The following TIGD5 variants were observed in gnomAD, a reference collection of about 807,000 sequenced individuals.
TIGD5 encodes tigger transposable element derived 5.
In TIGD5, 24 loss-of-function variants were observed where a neutral mutation model predicts 28.8. The observed-to-expected ratio is 0.83, with a 90% CI of 0.60 to 1.17. TIGD5 has a LOEUF of 1.17. Ranked by LOEUF, TIGD5 falls within the 50% of genes most tolerant of loss-of-function variation. The pLI, the probability that TIGD5 is intolerant of heterozygous loss-of-function variation, is 0.00. For synonymous variants in TIGD5, 538 were observed against 430.5 expected, an observed-to-expected ratio of 1.25 and a Z score of -3.09; for missense variants, 922 against 911.4, an observed-to-expected ratio of 1.01 and a Z score of -0.15.
rs758766283 is a variant in TIGD5, at chr8:143,598,117, G to C, written c.214G>C (p.Glu72Gln). 1.3e-5 allele frequency: 21 copies of C among 1,575,024 alleles called. No homozygotes were observed. Among genetic ancestry groups the C allele is most frequent in the Non-Finnish European group, 1.8e-5 (21 of 1,163,662 alleles). The change falls in exon 1 of 1, where the codon GAG becomes CAG. Residue 72 changes from glutamate (E) to glutamine (Q), a missense_variant. By Grantham distance (29) the Glu-to-Gln change is conservative. This residue lies in a region of TIGD5 where 821 missense variants were observed against 815.2 expected (regional missense o/e 1.01). Coordinates refer to ENST00000504548, the MANE Select transcript of TIGD5 (RefSeq NM_032862.5). This position sits in a 1 kb window ranked among gnomAD's most constrained non-coding sequence, Gnocchi z 6.6. ...GGCCATCGAGCGCGTCAAGGGCGGCGAGCGGCAGGCCAGTGTGTGCCGCGA... is the reference window on the plus strand; with the variant it reads ...GGCCATCGAGCGCGTCAAGGGCGGCCAGCGGCAGGCCAGTGTGTGCCGCGA... ...LQAIERVKGG[E>Q]RQASVCRDFG... is the part of the protein sequence containing the mutation.
Position 143,599,265 on chromosome 8 carries a change from C to T in TIGD5, c.1362C>T (p.Leu454=), listed in dbSNP as rs772235741. Residue 454 remains leucine, a synonymous_variant, in exon 1 of 1, where the codon CTC becomes CTT. Transcript: ENST00000504548. Reference sequence around the variant, plus strand: ...TGGACTTCATGCGCAGCTTCATGCTCAAGGACATGCTCTACCTGGCTGGCC... The same window carrying T: ...TGGACTTCATGCGCAGCTTCATGCTTAAGGACATGCTCTACCTGGCTGGCC... ...SPLDFMRSFM[L]KDMLYLAGLS... 1 of 1,611,462 alleles carries T rather than the reference C, an allele frequency of 6.2e-7. No homozygotes were observed. Among genetic ancestry groups the T allele is most frequent in the South Asian group, 1.1e-5 (1 of 90,826 alleles).
In TIGD5 at chr8:143,598,493, C is replaced by T. The variant is rs1466580254; in HGVS notation, c.590C>T (p.Pro197Leu). 7.3e-7 allele frequency: 1 copy of T among 1,376,014 alleles called. No individual in the cohort carries two copies. The highest frequency in any genetic ancestry group is 2.7e-4 in the Middle Eastern group (1 of 3,746). 85.2% of individuals were successfully genotyped at this position (1,376,014 alleles called of 1,614,324 possible). A position where few individuals can be genotyped will look rare whatever the true frequency, so the allele number is the denominator to read the frequency against. Residue 197 changes from proline to leucine, a missense_variant, in exon 1 of 1, where the codon CCC (proline) becomes CTC (leucine). By Grantham distance (98) the Pro-to-Leu change is moderately conservative. This residue lies in a region of TIGD5 where 821 missense variants were observed against 815.2 expected (regional missense o/e 1.01). Transcript: ENST00000504548. This position sits in a 1 kb window ranked among gnomAD's most constrained non-coding sequence, Gnocchi z 6.6. Reference protein sequence around the residue: ...YGEAGPPAPSPAPGPPVKEEP... With the variant: ...YGEAGPPAPSLAPGPPVKEEP... ...GAGGCCGGGCCCCCAGCCCCGAGCCCCGCGCCCGGCCCGCCCGTCAAGGAG... is the reference window on the plus strand; with the variant it reads ...GAGGCCGGGCCCCCAGCCCCGAGCCTCGCGCCCGGCCCGCCCGTCAAGGAG...
chr8:143,599,247 C>T lies in TIGD5; in HGVS notation c.1344C>T (p.Phe448=). The T allele has an allele frequency of 6.2e-7, 1 of 1,611,744 alleles. No individual in the cohort carries two copies. The highest frequency in any genetic ancestry group is 8.5e-7 in the Non-Finnish European group (1 of 1,179,668). ...GCGCCAGCGGCTCCCCGCTGGACTT[C>T]ATGCGCAGCTTCATGCTCAAGGACA... ...VSCASGSPLD[F]MRSFMLKDML... Residue 448 remains phenylalanine, a synonymous_variant, in exon 1 of 1, where the codon TTC becomes TTT. Coordinates refer to ENST00000504548, the MANE Select transcript of TIGD5 (RefSeq NM_032862.5).
chr8:143,601,235 A>G lies in TIGD5; in HGVS notation c.*1403A>G, dbSNP rs1368212912. ...AAGAAATATATACATATATATGTATATATCTATATCTCAAAATCTGAGAGC... is the reference window on the plus strand; with the variant it reads ...AAGAAATATATACATATATATGTATGTATCTATATCTCAAAATCTGAGAGC... On this transcript the variant is annotated 3_prime_UTR_variant, in exon 1 of 1. Coordinates refer to ENST00000504548, the MANE Select transcript of TIGD5 (RefSeq NM_032862.5). 1.3e-5 allele frequency: 2 copies of G among 152,170 alleles called. No homozygotes were observed. The highest frequency in any genetic ancestry group is 4.8e-5 in the African/African-American group (2 of 41,428). 9.4% of individuals were successfully genotyped at this position (152,170 alleles called of 1,614,324 possible).
Position 143,598,804 on chromosome 8 carries a change from C to T in TIGD5, c.901C>T (p.Pro301Ser). Residue 301 changes from proline (P) to serine (S), a missense_variant, in exon 1 of 1, where the codon CCC (proline) becomes TCC (serine). Physicochemically the swap from Pro to Ser is moderately conservative, Grantham distance 74. Around this residue, in one of 3 missense-constraint regions of TIGD5, gnomAD observed 821 missense variants for 815.2 expected, o/e 1.01. Transcript: ENST00000504548. This position sits in a 1 kb window ranked among gnomAD's most constrained non-coding sequence, Gnocchi z 6.6. ...GGTCATCGGGCGGCTGCCGGACCCG[C>T]CCAGCCTGCGCCACCACAACCAGGA... is the stretch of plus-strand genomic sequence containing the variant. ...PLVIGRLPDP[P>S]SLRHHNQDKF... 6.2e-7 allele frequency: 1 copy of T among 1,600,068 alleles called. No homozygotes were observed. Among genetic ancestry groups the T allele is most frequent in the South Asian group, 1.1e-5 (1 of 90,826 alleles).
Position 143,598,857 on chromosome 8 carries a change from C to A in TIGD5, c.954C>A (p.Ser318Arg). ...AGTTCCCGGCCTCCTACCGCTACAG[C>A]CCCGACGCCTGGCTCAGCCGCCCGC... The part of the protein sequence containing the change: ...QDKFPASYRY[S>R]PDAWLSRPLL... Residue 318 changes from serine to arginine, a missense_variant, in exon 1 of 1, where the codon AGC becomes AGA. By Grantham distance (110) the Ser-to-Arg change is moderately radical. This residue lies in a region of TIGD5 where 821 missense variants were observed against 815.2 expected (regional missense o/e 1.01). Coordinates refer to ENST00000504548, the MANE Select transcript of TIGD5 (RefSeq NM_032862.5). The surrounding 1 kb of genome is among the most constrained non-coding windows in gnomAD (Gnocchi z 6.6). 1 of 1,600,506 alleles carries A rather than the reference C, an allele frequency of 6.2e-7. No individual in the cohort carries two copies. The highest frequency in any genetic ancestry group is 8.5e-7 in the Non-Finnish European group (1 of 1,179,636).
In TIGD5 at chr8:143,598,806, C is replaced by A; in HGVS notation, c.903C>A (p.Pro301=). The A allele has an allele frequency of 6.2e-7, 1 of 1,600,132 alleles. No homozygotes were observed. ...PLVIGRLPDP[P]SLRHHNQDKF... ...TCATCGGGCGGCTGCCGGACCCGCC[C>A]AGCCTGCGCCACCACAACCAGGACA... Residue 301 remains proline (P), a synonymous_variant, in exon 1 of 1, where the codon CCC becomes CCA. Coordinates refer to ENST00000504548, the MANE Select transcript of TIGD5 (RefSeq NM_032862.5). This position sits in a 1 kb window ranked among gnomAD's most constrained non-coding sequence, Gnocchi z 6.6.
rs745741962 is a variant in TIGD5, at chr8:143,599,274, G to T, written c.1371G>T (p.Met457Ile). 1.2e-5 allele frequency: 19 copies of T among 1,610,802 alleles called. No individual in the cohort carries two copies. The highest frequency in any genetic ancestry group is 1.6e-5 in the Non-Finnish European group (19 of 1,179,224). ...DFMRSFMLKDMLYLAGLSWDL... is the reference protein window; with the variant it reads ...DFMRSFMLKDILYLAGLSWDL... ...TGCGCAGCTTCATGCTCAAGGACAT[G>T]CTCTACCTGGCTGGCCTCTCCTGGG... The change falls in exon 1 of 1, where the codon ATG becomes ATT. Residue 457 changes from methionine to isoleucine, a missense_variant. Coordinates refer to ENST00000504548, the MANE Select transcript of TIGD5 (RefSeq NM_032862.5).
rs754145755 is a variant in TIGD5, at chr8:143,598,696, G to A, written c.793G>A (p.Gly265Ser). The A allele has an allele frequency of 2.0e-6, 3 of 1,498,710 alleles. No individual in the cohort carries two copies. Among genetic ancestry groups the A allele is most frequent in the Non-Finnish European group, 1.8e-6 (2 of 1,134,038 alleles). The allele number at this position is 1,498,710 out of a possible 1,614,324, so 92.8% of individuals were successfully genotyped here. ...GGGCGCAGGGGACCCCGGGGCGGGG[G>A]GCTGTGGCCGGCGCTGGCGGGGCGA... ...PPGAGDPGAG[G>S]CGRRWRGDRV... is the part of the protein sequence containing the mutation. Residue 265 changes from glycine to serine, a missense_variant, in exon 1 of 1, where the codon GGC (glycine) becomes AGC (serine). By Grantham distance (56) the Gly-to-Ser change is moderately conservative. Coordinates refer to ENST00000504548, the MANE Select transcript of TIGD5 (RefSeq NM_032862.5). The surrounding 1 kb of genome is among the most constrained non-coding windows in gnomAD (Gnocchi z 6.6).
rs1262560186 is a variant in TIGD5 at position 143,598,876 on chromosome 8, C to T, written c.973C>T (p.Arg325Cys). The T allele has an allele frequency of 6.3e-7, 1 of 1,599,686 alleles. No homozygotes were observed. Among genetic ancestry groups the T allele is most frequent in the Non-Finnish European group, 8.5e-7 (1 of 1,179,562 alleles). ...YRYSPDAWLS[R>C]PLLRGWFFEE... ...CTACAGCCCCGACGCCTGGCTCAGC[C>T]GCCCGCTGCTGCGGGGCTGGTTCTT... is the stretch of plus-strand genomic sequence containing the variant. Residue 325 changes from arginine to cysteine, a missense_variant, in exon 1 of 1, where the codon CGC becomes TGC. By Grantham distance (180) the Arg-to-Cys change is radical (BLOSUM62 -3). Coordinates refer to ENST00000504548, the MANE Select transcript of TIGD5 (RefSeq NM_032862.5). This position sits in a 1 kb window ranked among gnomAD's most constrained non-coding sequence, Gnocchi z 6.6.
In TIGD5 at chr8:143,598,122, G is replaced by A; in HGVS notation, c.219G>A (p.Arg73=). 1.3e-6 allele frequency: 2 copies of A among 1,579,162 alleles called. No homozygotes were observed. Among genetic ancestry groups the A allele is most frequent in the Non-Finnish European group, 1.7e-6 (2 of 1,165,584 alleles). ...QAIERVKGGE[R]QASVCRDFGV... ...TCGAGCGCGTCAAGGGCGGCGAGCG[G>A]CAGGCCAGTGTGTGCCGCGACTTCG... Residue 73 remains arginine, a synonymous_variant, in exon 1 of 1, where the codon CGG becomes CGA. Transcript: ENST00000504548. The surrounding 1 kb of genome is among the most constrained non-coding windows in gnomAD (Gnocchi z 6.6).
Position 143,598,559 on chromosome 8 carries a change from G to C in TIGD5, c.656G>C (p.Arg219Pro), listed in dbSNP as rs1587274750. ...TCCGGCGCCGGCCCCCTGCCCGACC[G>C]CGCCCCGGCCCCGCCGCCCCCGGCC... The part of the protein sequence containing the change: ...LPSGAGPLPD[R>P]APAPPPPAEG... The change falls in exon 1 of 1, where the codon CGC becomes CCC. Residue 219 changes from arginine to proline, a missense_variant. This residue lies in a region of TIGD5 where 821 missense variants were observed against 815.2 expected (regional missense o/e 1.01). Transcript: ENST00000504548. This position sits in a 1 kb window ranked among gnomAD's most constrained non-coding sequence, Gnocchi z 6.6. 5 of 1,311,186 alleles carry C rather than the reference G, an allele frequency of 3.8e-6. No individual in the cohort carries two copies. Among genetic ancestry groups the C allele is most frequent in the Non-Finnish European group, 4.8e-6 (5 of 1,037,488 alleles). 81.2% of individuals were successfully genotyped at this position (1,311,186 alleles called of 1,614,324 possible). A position where few individuals can be genotyped will look rare whatever the true frequency, so the allele number is the denominator to read the frequency against.
chr8:143,599,645 G>C lies in TIGD5; in HGVS notation c.1742G>C (p.Gly581Ala). Residue 581 changes from glycine to alanine, a missense_variant, in exon 1 of 1, where the codon GGA (glycine) becomes GCA (alanine). Coordinates refer to ENST00000504548, the MANE Select transcript of TIGD5 (RefSeq NM_032862.5). Reference sequence around the variant, plus strand: ...GACGAGGAGGAGGCCACCGACTATGGAGGGACCTCAGTGCCGACTGCCGGG... The same window carrying C: ...GACGAGGAGGAGGCCACCGACTATGCAGGGACCTCAGTGCCGACTGCCGGG... ...GEDEEEATDY[G>A]GTSVPTAGEA... 6.6e-7 allele frequency: 1 copy of C among 1,523,028 alleles called. No homozygotes were observed. Among genetic ancestry groups the C allele is most frequent in the Non-Finnish European group, 8.8e-7 (1 of 1,138,280 alleles). The allele number at this position is 1,523,028 out of a possible 1,614,324, so 94.3% of individuals were successfully genotyped here. A position where few individuals can be genotyped will look rare whatever the true frequency, so the allele number is the denominator to read the frequency against.
In TIGD5 at chr8:143,599,372, G is replaced by A. The variant is rs1829212579; in HGVS notation, c.1469G>A (p.Gly490Asp). The A allele has an allele frequency of 2.5e-6, 4 of 1,572,842 alleles. No individual in the cohort carries two copies. Residue 490 changes from glycine to aspartate, a missense_variant, in exon 1 of 1, where the codon GGC becomes GAC. Gly to Asp is a moderately conservative substitution (Grantham distance 94). Around this residue, in one of 3 missense-constraint regions of TIGD5, gnomAD observed 821 missense variants for 815.2 expected, o/e 1.01. Coordinates refer to ENST00000504548, the MANE Select transcript of TIGD5 (RefSeq NM_032862.5). Reference sequence around the variant, plus strand: ...CGGGCTGCCTTCGAGCCCCGGCCCGGCGAGGACAGTGCTGGGCAGCCGGCC... The same window carrying A: ...CGGGCTGCCTTCGAGCCCCGGCCCGACGAGGACAGTGCTGGGCAGCCGGCC... The part of the protein sequence containing the change: ...GLRAAFEPRP[G>D]EDSAGQPAQA...
Position 143,599,581 on chromosome 8 carries a change from G to A in TIGD5, c.1678G>A (p.Ala560Thr). Residue 560 changes from alanine (A) to threonine (T), a missense_variant, in exon 1 of 1, where the codon GCC becomes ACC. Ala to Thr is a moderately conservative substitution (Grantham distance 58, BLOSUM62 0). Around this residue, in one of 3 missense-constraint regions of TIGD5, gnomAD observed 821 missense variants for 815.2 expected, o/e 1.01. Transcript: ENST00000504548. The part of the protein sequence containing the change: ...GPALPPAAPP[A>T]PASLPSAMGG... The stretch of plus-strand genomic sequence containing the variant: ...AGCCCTGCCCCCTGCAGCGCCTCCG[G>A]CCCCAGCCAGTCTGCCCTCTGCCAT... 1 of 1,531,600 alleles carries A rather than the reference G, an allele frequency of 6.5e-7. No individual in the cohort carries two copies. Among genetic ancestry groups the A allele is most frequent in the Non-Finnish European group, 8.8e-7 (1 of 1,142,658 alleles). The allele number at this position is 1,531,600 out of a possible 1,614,324, so 94.9% of individuals were successfully genotyped here.
Position 143,599,982 on chromosome 8 carries a change from C to A in TIGD5, c.*150C>A. On this transcript the variant is annotated 3_prime_UTR_variant, in exon 1 of 1. Transcript: ENST00000504548. ...CCAAATCCAGCATGGCTTGGAGGAG[C>A]TCTGTTGGTGAGAGGTCGCCCTGCC... 2 of 921,214 alleles carry A rather than the reference C, an allele frequency of 2.2e-6. No homozygotes were observed. Among genetic ancestry groups the A allele is most frequent in the Non-Finnish European group, 1.5e-6 (1 of 685,222 alleles). The allele number at this position is 921,214 out of a possible 1,614,324, so 57.1% of individuals were successfully genotyped here.
At position 143,600,236 on chromosome 8, in the gene TIGD5, C is replaced by T. The variant is rs1284482958; in HGVS notation, c.*404C>T. ...CCCTGGTGCTATGTGGCCCCGGAGC[C>T]ACAGCACAATCATCTCAGTGGCGAA... is the stretch of plus-strand genomic sequence containing the variant. On this transcript the variant is annotated 3_prime_UTR_variant, in exon 1 of 1. Coordinates refer to ENST00000504548, the MANE Select transcript of TIGD5 (RefSeq NM_032862.5). The T allele has an allele frequency of 3.6e-5, 8 of 221,624 alleles. No homozygotes were observed. In the Admixed American group the frequency reaches 4.1e-4, roughly 11 times the overall value. 13.7% of individuals were successfully genotyped at this position (221,624 alleles called of 1,614,324 possible).
Position 143,599,950 on chromosome 8 carries a change from C to T in TIGD5, c.*118C>T. The T allele has an allele frequency of 4.3e-6, 5 of 1,173,166 alleles. No homozygotes were observed. Among genetic ancestry groups the T allele is most frequent in the Non-Finnish European group, 5.5e-6 (5 of 903,398 alleles). 72.7% of individuals were successfully genotyped at this position (1,173,166 alleles called of 1,614,324 possible). A position where few individuals can be genotyped will look rare whatever the true frequency, so the allele number is the denominator to read the frequency against. On this transcript the variant is annotated 3_prime_UTR_variant, in exon 1 of 1. Coordinates refer to ENST00000504548, the MANE Select transcript of TIGD5 (RefSeq NM_032862.5). ...CCCACCGCATGGGTACAGGGGGTTC[C>T]AGGAATCCAAATCCAGCATGGCTTG... is the stretch of plus-strand genomic sequence containing the variant.
In TIGD5 at chr8:143,601,478, G is replaced by A. The variant is rs928725897; in HGVS notation, c.*1646G>A. 1 of 152,418 alleles carries A rather than the reference G, an allele frequency of 6.6e-6. No homozygotes were observed. Among genetic ancestry groups the A allele is most frequent in the Non-Finnish European group, 1.5e-5 (1 of 68,180 alleles). 9.4% of individuals were successfully genotyped at this position (152,418 alleles called of 1,614,324 possible). On this transcript the variant is annotated 3_prime_UTR_variant, in exon 1 of 1. Coordinates refer to ENST00000504548, the MANE Select transcript of TIGD5 (RefSeq NM_032862.5). ...CCCCCAAGGCGGGGACACCACCTCTGCTCTGCCAGGCCTGCCTCCAGGGCT... is the reference window on the plus strand; with the variant it reads ...CCCCCAAGGCGGGGACACCACCTCTACTCTGCCAGGCCTGCCTCCAGGGCT...
Sources: gnomAD v4.1 joint callset for allele counts on GRCh38, gnomAD v4.1.1 for gene constraint, gnomAD v4.1.1 regional missense constraint, Gnocchi (gnomAD v3.1) non-coding constraint, MANE v1.5 for transcripts, NCBI Gene and HGNC (gene_info 2026-07-23, HGNC 2026-07-21) for gene names.